The following RABGGTB variants were observed in gnomAD, a reference collection of about 807,000 sequenced individuals.
RABGGTB encodes the protein Rab geranylgeranyltransferase subunit beta, also known as geranylgeranyl transferase type-2 subunit beta.
Under a neutral mutation model 44.5 loss-of-function variants are expected in RABGGTB, and 20 were observed. That is an observed-to-expected ratio of 0.45 (90% CI 0.32 to 0.65). RABGGTB has a LOEUF of 0.65. Among genes scored for constraint, RABGGTB ranks in the 30% least tolerant of loss-of-function variants. RABGGTB has a pLI of 0.05. For missense variants in RABGGTB, 302 were observed against 398.7 expected (o/e 0.76, Z 2.06); for synonymous variants, 128 against 136.7 (o/e 0.94, Z 0.44).
intron 2 of RABGGTB, chr1:75,787,904 G>C (rs776157035): frequency 3.0e-5 from 18 of 608,692 alleles, no homozygotes; most frequent in Non-Finnish European, 5.0e-5. Flanking sequence ...ATGATGTGTT[G>C]GCATGTATTA....
intron 4 of RABGGTB, 160 bp from the exon 5 acceptor site, chr1:75,791,123 TGG>T (rs1319538410): frequency 9.6e-6 from 6 of 628,174 alleles, no homozygotes; most frequent in Non-Finnish European, 1.7e-5. Flanking sequence ...GGAATTTTCT[TGG>T]GAAGTAAAGG....
At chr1:75,786,214 C>T (rs911970353), upstream of RABGGTB, 1 of 1,610,264 alleles carries the variant, frequency 6.2e-7, no homozygotes, top group Non-Finnish European at 8.5e-7. Context: ...TCTGCGCAGG[C>T]GCCCGGCTCC....
intron 7 of RABGGTB, among the ~76,000 whole-genome samples, chr1:75,793,195 C>T (rs1649688976): frequency 6.6e-6 from 1 of 152,040 alleles, no homozygotes; most frequent in African/African-American, 2.4e-5. Flanking sequence ...TTGCTGTGCC[C>T]CTGCCCTCTG....
At chr1:75,789,107 T>A in intron 2 of RABGGTB, 52 bp from the exon 3 acceptor site, 1 of 1,532,702 alleles carries the variant, frequency 6.5e-7, no homozygotes, top group South Asian at 1.1e-5. Flanking sequence ...AATCTCTTTA[T>A]AACTTGTTAC....
intron 3 of RABGGTB, chr1:75,789,577 T>C (rs1400544892): frequency 4.1e-6 from 3 of 733,348 alleles, no homozygotes; most frequent in Admixed American, 1.8e-5. Flanking sequence ...CTTCAGTATG[T>C]GTAAATACTG....
chr1:75,788,876 T>C (rs1159642968), intron 2 of RABGGTB: 2 of 406,804 alleles, frequency 4.9e-6, no homozygotes, highest in African/African-American at 4.0e-5. Flanking sequence ...GATGTTTTTC[T>C]GTCTCTGGCT....
At chr1:75,789,512 A>G (rs761607326) in intron 3 of RABGGTB, 156 bp downstream of exon 3, 2 of 791,952 alleles carry the variant, frequency 2.5e-6, no homozygotes, top group Non-Finnish European at 4.3e-6. Context: ...AGCTGAATCT[A>G]AAGTTGATGT....
intron 4 of RABGGTB, among the ~76,000 whole-genome samples, chr1:75,790,994 T>C (rs1226425604): frequency 1.3e-5 from 2 of 152,186 alleles, no homozygotes; most frequent in African/African-American, 4.8e-5. Context: ...CCCATTATGT[T>C]GCCTCGGCTA....
intron 4 of RABGGTB, chr1:75,790,483 C>T: frequency 9.6e-7 from 1 of 1,037,602 alleles, no homozygotes; most frequent in African/African-American, 1.7e-5. Flanking sequence ...CCAGCTGCTT[C>T]ATGGGATGTG....
Position 75,792,419 on chromosome 1 carries a change from C to T in RABGGTB, c.705+113C>T, listed in dbSNP as rs938048306. 3 of 1,422,550 alleles carry T rather than the reference C, an allele frequency of 2.1e-6. No homozygotes were observed. The Admixed American group carries it at 6.4e-5, about 30-fold the overall frequency. The allele number at this position is 1,422,550 out of a possible 1,614,324, so 88.1% of individuals were successfully genotyped here. A position where few individuals can be genotyped will look rare whatever the true frequency, so the allele number is the denominator to read the frequency against. Reference sequence around the variant, plus strand: ...GGCCATGAGCTTATTTATTACCTTTCCCTGTTGTGAATTTTCAGTAATATA... The same window carrying T: ...GGCCATGAGCTTATTTATTACCTTTTCCTGTTGTGAATTTTCAGTAATATA... On this transcript the variant is annotated intron_variant, in intron 7 of 8. Transcript: ENST00000319942.
In RABGGTB at chr1:75,789,140, A is replaced by G. The variant is rs1397121768; in HGVS notation, c.112-19A>G. The stretch of plus-strand genomic sequence containing the variant: ...TACCAGTTCAAATGACAGATTTAAG[A>G]AATTGTGTATTATTTTAGGAATACT... On this transcript the variant is annotated intron_variant, in intron 2 of 8. Transcript: ENST00000319942. The G allele has an allele frequency of 6.2e-7, 1 of 1,605,532 alleles. No individual in the cohort carries two copies. Among genetic ancestry groups the G allele is most frequent in the East Asian group, 2.2e-5 (1 of 44,828 alleles).
chr1:75,794,461 T>A, intron 8 of RABGGTB, 49 bp from the exon 9 acceptor site: 1 of 1,548,304 alleles, frequency 6.5e-7, no homozygotes, highest in Non-Finnish European at 8.8e-7. Flanking sequence ...AATTTGAAGT[T>A]AAAGAAGTTT....
At chr1:75,792,389 A>C (rs1649667336) in intron 7 of RABGGTB, 83 bp downstream of exon 7, 6 of 1,556,646 alleles carry the variant, frequency 3.9e-6, no homozygotes, top group African/African-American at 1.4e-5. Flanking sequence ...TCTATATTGT[A>C]AATTGGCCAT....
intron 2 of RABGGTB, 125 bp from the exon 3 acceptor site, chr1:75,789,034 C>T: frequency 1.3e-6 from 1 of 756,264 alleles, no homozygotes. Flanking sequence ...CACTACTGAT[C>T]AGTGCTGTTA....
At chr1:75,787,351 C>T (rs1649519909) in intron 1 of RABGGTB, 146 bp from the exon 2 acceptor site, 1 of 653,810 alleles carries the variant, frequency 1.5e-6, no homozygotes, top group African/African-American at 1.9e-5. Flanking sequence ...CTCAGCCTCC[C>T]TAGTTAGTTA....
At chr1:75,789,619 A>T in intron 3 of RABGGTB, 1 of 662,088 alleles carries the variant, frequency 1.5e-6, no homozygotes, top group Admixed American at 2.0e-5. Flanking sequence ...TTTGATTTTG[A>T]TATTAGTGAA....
intron 3 of RABGGTB, 187 bp downstream of exon 3, chr1:75,789,543 G>A (rs11161620): frequency 0.22 from 168,650 of 778,352 alleles, 19,996 homozygotes; most frequent in Non-Finnish European, 0.26. Flanking sequence ...ATTACACTGA[G>A]ACCTTGGAGG....
chr1:75,787,014 T>G (rs970357437), intron 1 of RABGGTB: 4 of 496,812 alleles, frequency 8.1e-6, no homozygotes, highest in Non-Finnish European at 1.6e-5. Context: ...GTGTTTATTT[T>G]TTACTTATCT....
intron 4 of RABGGTB, chr1:75,790,428 A>AGG: frequency 9.0e-7 from 1 of 1,114,248 alleles, no homozygotes; most frequent in South Asian, 4.1e-5. Flanking sequence ...TGATAAACGT[A>AGG]GATAATCTCT....
Sources: gnomAD v4.1 joint callset for allele counts (sites outside exome capture counted in the v4.1 genomes callset) on GRCh38, gnomAD v4.1.1 for gene constraint, MANE v1.5 for transcripts, NCBI Gene and HGNC (gene_info 2026-07-23, HGNC 2026-07-21) for gene names.